The following ADAM22 variants were observed in gnomAD, a reference collection of about 807,000 sequenced individuals.
ADAM22 encodes ADAM metallopeptidase domain 22, also known as disintegrin and metalloproteinase domain-containing protein 22.
A neutral mutation model predicts 144.6 loss-of-function variants in ADAM22; 65 were observed. That is an observed-to-expected ratio of 0.45 (90% CI 0.37 to 0.55). ADAM22 has a LOEUF of 0.55. ADAM22 is among the 20% of genes least tolerant of loss of function. The pLI is 0.00. For missense variants in ADAM22, 974 were observed against 1,184.9 expected, an observed-to-expected ratio of 0.82 and a Z score of 2.61; for synonymous variants, 391 against 412.6, an observed-to-expected ratio of 0.95 and a Z score of 0.63.
intron 2 of ADAM22, among the ~76,000 whole-genome samples, chr7:87,942,444 T>C (rs1241318104): frequency 2.0e-5 from 3 of 152,138 alleles, no homozygotes; most frequent in Non-Finnish European, 4.4e-5. Context: ...CCTATGTGCT[T>C]AACTACTATG....
At chr7:87,980,742 TG>T (rs1337073501) in intron 3 of ADAM22, among the ~76,000 whole-genome samples, 1 of 152,164 alleles carries the variant, frequency 6.6e-6, no homozygotes, top group African/African-American at 2.4e-5. Context: ...CACAGGAGGC[TG>T]ATAAAAATAT....
chr7:87,974,235 C>T, intron 2 of ADAM22, among the ~76,000 whole-genome samples: 1 of 147,662 alleles, frequency 6.8e-6, no homozygotes. Context: ...ACCTGGGAGG[C>T]AGAGCTTGCA....
At chr7:88,042,100 T>C (rs1803280145) in intron 3 of ADAM22, among the ~76,000 whole-genome samples, 1 of 152,058 alleles carries the variant, frequency 6.6e-6, no homozygotes, top group South Asian at 2.1e-4. Context: ...TTGTTTGCTG[T>C]ACTGTCTAAA....
At chr7:88,191,317 G>A (rs969782777) in intron 30 of ADAM22, among the ~76,000 whole-genome samples, 1 of 152,352 alleles carries the variant, frequency 6.6e-6, no homozygotes, top group African/African-American at 2.4e-5. Flanking sequence ...TGGAATGACT[G>A]TGAAGCTAAA....
At chr7:88,167,642 A>G (rs548268619) in intron 24 of ADAM22, among the ~76,000 whole-genome samples, 6 of 152,326 alleles carry the variant, frequency 3.9e-5, no homozygotes, top group Admixed American at 3.3e-4. Flanking sequence ...CCTGGGCAGT[A>G]ATCACAGAAG....
intron 3 of ADAM22, among the ~76,000 whole-genome samples, chr7:88,010,293 G>T (rs1795057200): frequency 6.6e-6 from 1 of 152,118 alleles, no homozygotes; most frequent in African/African-American, 2.4e-5. Context: ...GGTTGTTTAT[G>T]AATTTGCTTT....
chr7:88,010,114 A>G (rs981263855), intron 3 of ADAM22, among the ~76,000 whole-genome samples: 2 of 152,014 alleles, frequency 1.3e-5, no homozygotes, highest in Non-Finnish European at 2.9e-5. Flanking sequence ...TGTCCTTGGA[A>G]GAGGCTCTTA....
chr7:88,013,960 T>G (rs1796016050), intron 3 of ADAM22, among the ~76,000 whole-genome samples: 1 of 152,234 alleles, frequency 6.6e-6, no homozygotes, highest in Non-Finnish European at 1.5e-5. Context: ...ACTATCTTTT[T>G]TCTTGAAATT....
chr7:87,982,068 T>TATATACAC (rs1244517564), intron 3 of ADAM22, among the ~76,000 whole-genome samples: 4 of 93,720 alleles, frequency 4.3e-5, no homozygotes, highest in Non-Finnish European at 7.8e-5. Context: ...TATATATATA[T>TATATACAC]ACACACACAC....
chr7:88,016,831 C>T (rs538054213), intron 3 of ADAM22, among the ~76,000 whole-genome samples: 1 of 152,276 alleles, frequency 6.6e-6, no homozygotes, highest in African/African-American at 2.4e-5. Context: ...TACAAAATTA[C>T]AGCTAGGCCA....
chr7:88,142,401 T>G (rs1165337019), intron 14 of ADAM22, among the ~76,000 whole-genome samples: 1 of 152,204 alleles, frequency 6.6e-6, no homozygotes, highest in African/African-American at 2.4e-5. Context: ...TGCTCTGCAG[T>G]TTGGATTCTA....
intron 3 of ADAM22, among the ~76,000 whole-genome samples, chr7:88,018,762 T>A (rs993303711): frequency 6.6e-5 from 10 of 151,034 alleles, no homozygotes; most frequent in African/African-American, 2.2e-4. Context: ...GGAGATCAAA[T>A]GTTGTTTAAA....
At chr7:87,939,703 T>G (rs1250643020) in intron 2 of ADAM22, among the ~76,000 whole-genome samples, 1 of 152,208 alleles carries the variant, frequency 6.6e-6, no homozygotes, top group East Asian at 1.9e-4. Flanking sequence ...TCAGGCTGCT[T>G]GAGTACTATT....
chr7:87,941,940 A>G (rs150708111), intron 2 of ADAM22, among the ~76,000 whole-genome samples: 1 of 152,302 alleles, frequency 6.6e-6, no homozygotes, highest in East Asian at 1.9e-4. Flanking sequence ...TGTTTTTAAC[A>G]AATAGAGTCC....
intron 4 of ADAM22, among the ~76,000 whole-genome samples, chr7:88,083,105 T>C (rs1817325639): frequency 1.3e-5 from 2 of 152,144 alleles, no homozygotes; most frequent in Non-Finnish European, 2.9e-5. Flanking sequence ...CCAACAACGA[T>C]AGACTGGATT....
At chr7:88,166,029 T>A in intron 24 of ADAM22, 83 bp downstream of exon 24, 1 of 913,150 alleles carries the variant, frequency 1.1e-6, no homozygotes, top group Non-Finnish European at 1.6e-6. Context: ...TTGAGTTATT[T>A]TTATGATAAT....
At chr7:87,941,307 A>G (rs1842431011) in intron 2 of ADAM22, among the ~76,000 whole-genome samples, 1 of 152,192 alleles carries the variant, frequency 6.6e-6, no homozygotes, top group Non-Finnish European at 1.5e-5. Flanking sequence ...GATGGCAAGC[A>G]GTAGGTGTGC....
intron 3 of ADAM22, among the ~76,000 whole-genome samples, chr7:88,002,188 C>T (rs917574913): frequency 2.0e-5 from 3 of 152,128 alleles, no homozygotes; most frequent in African/African-American, 4.8e-5. Flanking sequence ...TTTTTGGTCT[C>T]TAGGACTCTG....
At chr7:88,185,315 G>A (rs950684617) in intron 29 of ADAM22, among the ~76,000 whole-genome samples, 4 of 152,054 alleles carry the variant, frequency 2.6e-5, no homozygotes, top group African/African-American at 9.7e-5. Flanking sequence ...ATTTTGTATA[G>A]TACCTCGATT....
Sources: allele counts gnomAD v4.1 joint callset (sites outside exome capture counted in the v4.1 genomes callset), GRCh38; gene constraint gnomAD v4.1.1; transcripts MANE v1.5; gene names NCBI Gene and HGNC (gene_info 2026-07-23, HGNC 2026-07-21).